Variants in SPDYE5 observed in about 807,000 individuals in gnomAD.
The protein encoded by SPDYE5 is speedy/RINGO cell cycle regulator family member E5.
In SPDYE5, 15 loss-of-function variants were observed where a neutral mutation model predicts 48.5. That is an observed-to-expected ratio of 0.31 (90% CI 0.21 to 0.48). The LOEUF (loss-of-function observed/expected upper bound fraction) is 0.48. Ranked by LOEUF, SPDYE5 falls within the 20% of genes least tolerant of loss-of-function variation. The pLI is 0.99. For synonymous variants in SPDYE5, 116 were observed against 200.7 expected, an observed-to-expected ratio of 0.58 and a Z score of 3.57; for missense variants, 331 against 549.1, an observed-to-expected ratio of 0.60 and a Z score of 3.97.
At chr7:75,492,479 C>A (rs1176145645) in intron 1 of SPDYE5, among the ~76,000 whole-genome samples, 38 bp downstream of exon 1, 6 of 152,150 alleles carry the variant, frequency 3.9e-5, no homozygotes, top group African/African-American at 1.4e-4. Context: ...TTGCTCGTTG[C>A]CCAGACTGGA....
intron 8 of SPDYE5, 111 bp downstream of exon 8, chr7:75,502,093 C>G: frequency 1.6e-6 from 2 of 1,287,378 alleles, no homozygotes; most frequent in Non-Finnish European, 2.1e-6. Context: ...GCGAGATCCC[C>G]TCTCCACAAA....
In SPDYE5 at chr7:75,503,301, A is replaced by G. The variant is rs1793216779; in HGVS notation, c.*514A>G. ...CTCTGCATTTTATTGGTTTGTTTGG[A>G]AAATGTTGGCCATTGAATTATTCAT... On this transcript the variant is annotated 3_prime_UTR_variant, in exon 9 of 9. Transcript: ENST00000625065. 4.6e-6 allele frequency: 1 copy of G among 219,546 alleles called. No homozygotes were observed. Among genetic ancestry groups the G allele is most frequent in the Non-Finnish European group, 9.2e-6 (1 of 108,710 alleles). 13.6% of individuals were successfully genotyped at this position (219,546 alleles called of 1,614,324 possible). A position where few individuals can be genotyped will look rare whatever the true frequency, so the allele number is the denominator to read the frequency against.
At chr7:75,497,516 C>T (rs1792977402) in intron 4 of SPDYE5, among the ~76,000 whole-genome samples, 2 of 149,676 alleles carry the variant, frequency 1.3e-5, no homozygotes, top group African/African-American at 2.4e-5. Context: ...TTCAGCTGTG[C>T]CCTCTGAAAC....
intron 4 of SPDYE5, among the ~76,000 whole-genome samples, chr7:75,497,563 T>C (rs75993228): frequency 0.11 from 15,336 of 133,740 alleles, 1,257 homozygotes; most frequent in Middle Eastern, 0.23. Flanking sequence ...ACCTAAGTGT[T>C]TCCATCCATA....
chr7:75,502,235 C>T (rs370990499), intron 8 of SPDYE5, among the ~76,000 whole-genome samples: 123,802 of 136,688 alleles, frequency 0.91, 56,177 homozygotes, highest in East Asian at 0.96. Context: ...TGCACTCCAG[C>T]CCGGGCGACA....
intron 6 of SPDYE5, among the ~76,000 whole-genome samples, chr7:75,500,528 A>G (rs1554483244): frequency 6.6e-6 from 1 of 151,256 alleles, no homozygotes; most frequent in Non-Finnish European, 1.5e-5. Flanking sequence ...CAAAATATCA[A>G]TGTATTCAAT....
chr7:75,493,570 T>C, intron 1 of SPDYE5, 57 bp from the exon 2 acceptor site: 2 of 815,100 alleles, frequency 2.5e-6, no homozygotes, highest in East Asian at 1.1e-4. Context: ...TCTTATAAGG[T>C]TTCATCGTTT....
At chr7:75,495,641 G>A (rs1392406111) in intron 3 of SPDYE5, among the ~76,000 whole-genome samples, 7 of 152,362 alleles carry the variant, frequency 4.6e-5, no homozygotes, top group African/African-American at 1.4e-4. Flanking sequence ...CACGTTGGGA[G>A]GCTGAGGCAA....
chr7:75,495,764 G>A (rs587631027), intron 3 of SPDYE5, among the ~76,000 whole-genome samples: 1 of 152,112 alleles, frequency 6.6e-6, no homozygotes, highest in Non-Finnish European at 1.5e-5. Flanking sequence ...CGAAGGCCGG[G>A]TGTGGTAGCT....
At chr7:75,494,231 G>A (rs1239319654) in intron 2 of SPDYE5, 24 bp downstream of exon 2, 3 of 1,534,470 alleles carry the variant, frequency 2.0e-6, no homozygotes, top group African/African-American at 1.4e-5. Context: ...TGGAAGAAGA[G>A]GTGGGATAGG....
chr7:75,493,778 G>C lies in SPDYE5; in HGVS notation c.-270G>C. 7.1e-7 allele frequency: 1 copy of C among 1,408,148 alleles called. No individual in the cohort carries two copies. Among genetic ancestry groups the C allele is most frequent in the South Asian group, 1.5e-5 (1 of 65,824 alleles). The allele number at this position is 1,408,148 out of a possible 1,614,324, so 87.2% of individuals were successfully genotyped here. A position where few individuals can be genotyped will look rare whatever the true frequency, so the allele number is the denominator to read the frequency against. ...TGGACAATGGTCTGAGGTTGGGACA[G>C]TGGCAGGAGATACCATTCACCCAGG... On this transcript the variant is annotated 5_prime_UTR_variant, in exon 2 of 9. Coordinates refer to ENST00000625065, the MANE Select transcript of SPDYE5 (RefSeq NM_001306141.4).
Position 75,501,632 on chromosome 7 carries a change from C to T in SPDYE5, c.1026C>T (p.Gly342=). ...TCCGTAAGCGTCGGTTCCAGTTAGG[C>T]CGTTCCATGAACCTGAGGGCCAGGA... ...PLLRKRRFQL[G]RSMNLRARKN... is the part of the protein sequence containing the mutation. Residue 342 remains glycine (G), a synonymous_variant, in exon 7 of 9, where the codon GGC becomes GGT. Coordinates refer to ENST00000625065, the MANE Select transcript of SPDYE5 (RefSeq NM_001306141.4). The T allele has an allele frequency of 6.2e-7, 1 of 1,613,744 alleles. No individual in the cohort carries two copies. The highest frequency in any genetic ancestry group is 8.5e-7 in the Non-Finnish European group (1 of 1,180,024).
In SPDYE5 at chr7:75,503,155, T is replaced by C; in HGVS notation, c.*368T>C. 2.3e-6 allele frequency: 1 copy of C among 427,056 alleles called. No individual in the cohort carries two copies. Among genetic ancestry groups the C allele is most frequent in the East Asian group, 7.0e-5 (1 of 14,314 alleles). 26.5% of individuals were successfully genotyped at this position (427,056 alleles called of 1,614,324 possible). On this transcript the variant is annotated 3_prime_UTR_variant, in exon 9 of 9. Coordinates refer to ENST00000625065, the MANE Select transcript of SPDYE5 (RefSeq NM_001306141.4). ...GGGCGGAACCTGGAGGTCCTGTTTC[T>C]TATGGACTTGGTTACCACAGTCCAG... is the stretch of plus-strand genomic sequence containing the variant.
chr7:75,501,669 C>T lies in SPDYE5; in HGVS notation c.1063C>T (p.Gln355Ter). ...MNLRARKNRSQIVLFQKRRFQ... is the reference protein window; with the variant it reads ...MNLRARKNRS The stretch of plus-strand genomic sequence containing the variant: ...CCTGAGGGCCAGGAAGAACCGCTCT[C>T]AGATAGTCCTGTTCCAGAAACGTCG... The change falls in exon 7 of 9, where the codon CAG becomes TAG. Residue 355 changes from glutamine to a stop codon, truncating the protein, a stop_gained. Coordinates refer to ENST00000625065, the MANE Select transcript of SPDYE5 (RefSeq NM_001306141.4). LOFTEE classifies it high-confidence loss of function. 1 of 1,613,716 alleles carries T rather than the reference C, an allele frequency of 6.2e-7. No individual in the cohort carries two copies. Among genetic ancestry groups the T allele is most frequent in the African/African-American group, 1.3e-5 (1 of 75,046 alleles).
At position 75,495,279 on chromosome 7, in the gene SPDYE5, T is replaced by C. The variant is rs781884648; in HGVS notation, c.284T>C (p.Val95Ala). The change falls in exon 3 of 9, where the codon GTA (valine) becomes GCA (alanine). Residue 95 changes from valine to alanine, a missense_variant. By Grantham distance (64) the Val-to-Ala change is moderately conservative. Transcript: ENST00000625065. ...GCCCCTGAACCTGAGGAGACCTGGGTAGTGGAGATGCTGTGTGGGCTCAAG... is the reference window on the plus strand; with the variant it reads ...GCCCCTGAACCTGAGGAGACCTGGGCAGTGGAGATGCTGTGTGGGCTCAAG... ...ELAPEPEETWVVEMLCGLKMK... is the reference protein window; with the variant it reads ...ELAPEPEETWAVEMLCGLKMK... 2.5e-6 allele frequency: 4 copies of C among 1,571,476 alleles called. No individual in the cohort carries two copies. Among genetic ancestry groups the C allele is most frequent in the East Asian group, 4.6e-5 (2 of 43,170 alleles).
chr7:75,501,341 C>T (rs587653185), intron 6 of SPDYE5, 21 bp from the exon 7 acceptor site: 14 of 1,612,046 alleles, frequency 8.7e-6, no homozygotes, highest in Non-Finnish European at 8.5e-7. Flanking sequence ...CCCTGAGCAG[C>T]AACCTGATTT....
chr7:75,492,095 A>G (rs1792756783), upstream of SPDYE5, among the ~76,000 whole-genome samples: 1 of 152,082 alleles, frequency 6.6e-6, no homozygotes. Context: ...GGTGGCCGGA[A>G]GAGAGAGGAA....
chr7:75,493,830 C>G lies in SPDYE5; in HGVS notation c.-218C>G, dbSNP rs1792823164. On this transcript the variant is annotated 5_prime_UTR_variant, in exon 2 of 9. Coordinates refer to ENST00000625065, the MANE Select transcript of SPDYE5 (RefSeq NM_001306141.4). Reference sequence around the variant, plus strand: ...TCTCCAGGACAAGAGATCAGCCTGGCAGTTACATGTGTTTTTTTTCAAACT... The same window carrying G: ...TCTCCAGGACAAGAGATCAGCCTGGGAGTTACATGTGTTTTTTTTCAAACT... 7.0e-7 allele frequency: 1 copy of G among 1,437,900 alleles called. No individual in the cohort carries two copies. The allele number at this position is 1,437,900 out of a possible 1,614,324, so 89.1% of individuals were successfully genotyped here. A position where few individuals can be genotyped will look rare whatever the true frequency, so the allele number is the denominator to read the frequency against.
At position 75,502,024 on chromosome 7, in the gene SPDYE5, C is replaced by G. The variant is rs1398189943; in HGVS notation, c.*45+42C>G. On this transcript the variant is annotated intron_variant, in intron 8 of 8. Coordinates refer to ENST00000625065, the MANE Select transcript of SPDYE5 (RefSeq NM_001306141.4). The stretch of plus-strand genomic sequence containing the variant: ...CGGGGTAAAGGCAGAATATTGGGGT[C>G]TATTTCGGAAATCCGAAGAACCCAA... 1.4e-5 allele frequency: 21 copies of G among 1,523,828 alleles called. No homozygotes were observed. The African/African-American group carries it at 1.9e-4, about 14-fold the overall frequency. The allele number at this position is 1,523,828 out of a possible 1,614,324, so 94.4% of individuals were successfully genotyped here. A position where few individuals can be genotyped will look rare whatever the true frequency, so the allele number is the denominator to read the frequency against.
Sources: allele counts gnomAD v4.1 joint callset (sites outside exome capture counted in the v4.1 genomes callset), GRCh38; gene constraint gnomAD v4.1.1; transcripts MANE v1.5; gene names NCBI Gene and HGNC (gene_info 2026-07-23, HGNC 2026-07-21).